The following NPFFR2 variants were observed in gnomAD, a reference collection of about 807,000 sequenced individuals.
NPFFR2 encodes G-protein coupled receptor 74.
A neutral mutation model predicts 13.1 loss-of-function variants in NPFFR2; 15 were observed. The ratio of observed to expected loss-of-function variants is 1.15; its 90% CI spans 0.77 to 1.76. The LOEUF (loss-of-function observed/expected upper bound fraction) is 1.76. Ranked by LOEUF, NPFFR2 falls within the 40% of genes most tolerant of loss-of-function variation. The probability of loss-of-function intolerance (pLI) is 0.00; values close to 1 mark genes in which losing one functional copy is unlikely to be tolerated. For missense variants in NPFFR2, 572 were observed against 503.5 expected, an observed-to-expected ratio of 1.14 and a Z score of -1.30; for synonymous variants, 190 against 175.7, an observed-to-expected ratio of 1.08 and a Z score of -0.65.
intron 1 of NPFFR2, among the ~76,000 whole-genome samples, chr4:72,043,138 A>G (rs1719276890): frequency 6.6e-6 from 1 of 152,216 alleles, no homozygotes; most frequent in Non-Finnish European, 1.5e-5. Flanking sequence ...GGTAGCTGCC[A>G]TGTAGTGTTG....
Position 72,032,190 on chromosome 4 carries a change from C to G in NPFFR2, c.-18C>G. The G allele has an allele frequency of 6.2e-7, 1 of 1,608,508 alleles. No individual in the cohort carries two copies. The highest frequency in any genetic ancestry group is 8.5e-7 in the Non-Finnish European group (1 of 1,176,902). On this transcript the variant is annotated 5_prime_UTR_variant, in exon 1 of 4. Coordinates refer to ENST00000308744, the MANE Select transcript of NPFFR2 (RefSeq NM_004885.3). Reference sequence around the variant, plus strand: ...TCTGGTTCCTGCCGCCGACAGGGCTCGCCGGGAGAGGTAACAGCATGGGCC... The same window carrying G: ...TCTGGTTCCTGCCGCCGACAGGGCTGGCCGGGAGAGGTAACAGCATGGGCC...
chr4:72,104,966 A>G (rs1296088162), intron 1 of NPFFR2, among the ~76,000 whole-genome samples: 1 of 131,096 alleles, frequency 7.6e-6, no homozygotes, highest in East Asian at 2.2e-4. Context: ...ATTGTAAACA[A>G]CAGTATGACA....
intron 1 of NPFFR2, among the ~76,000 whole-genome samples, chr4:72,069,625 C>T (rs1051029166): frequency 2.0e-5 from 3 of 151,818 alleles, no homozygotes; most frequent in Non-Finnish European, 2.9e-5. Context: ...ATAAACAACA[C>T]TGACAAAAGA....
intron 1 of NPFFR2, among the ~76,000 whole-genome samples, chr4:72,112,299 C>T (rs1257858814): frequency 1.3e-5 from 2 of 151,990 alleles, no homozygotes; most frequent in Non-Finnish European, 2.9e-5. Context: ...TACTGTTGTT[C>T]TAACTTCTTA....
At chr4:72,040,692 G>A (rs1230038947) in intron 1 of NPFFR2, among the ~76,000 whole-genome samples, 3 of 151,798 alleles carry the variant, frequency 2.0e-5, no homozygotes, top group East Asian at 3.9e-4. Context: ...TTTACCAAAC[G>A]AACTGTTTGT....
chr4:72,056,377 A>G (rs932171087), intron 1 of NPFFR2, among the ~76,000 whole-genome samples: 1 of 152,000 alleles, frequency 6.6e-6, no homozygotes, highest in Non-Finnish European at 1.5e-5. Context: ...CTTTCAGCCC[A>G]CTATGGAGAC....
At position 72,119,492 on chromosome 4, in the gene NPFFR2, T is replaced by C. The variant is rs190041690; in HGVS notation, c.-7-9093T>C. ...AAAAATCTAAATGTAGCTGGCAAGA[T>C]GGCCTAATAGAAACAGCTCTGGTCT... On this transcript the variant is annotated intron_variant, in intron 1 of 3. Coordinates refer to ENST00000308744, the MANE Select transcript of NPFFR2 (RefSeq NM_004885.3). Among the ~76,000 whole-genome samples, 184 of 152,256 alleles carry C rather than the reference T, an allele frequency of 1.2e-3. 1 individual carries two copies. Among genetic ancestry groups the C allele is most frequent in the African/African-American group, 4.1e-3 (171 of 41,540 alleles).
chr4:72,147,227 C>T lies in NPFFR2; in HGVS notation c.678C>T (p.Asn226=). 3.1e-6 allele frequency: 5 copies of T among 1,614,170 alleles called. No homozygotes were observed. The highest frequency in any genetic ancestry group is 4.5e-5 in the East Asian group (2 of 44,880). The stretch of plus-strand genomic sequence containing the variant: ...TCTACACCACTGTGCTGTTTGCCAA[C>T]ATCTACCTGGCTCCCCTCTCCCTCA... ...RKIYTTVLFA[N]IYLAPLSLIV... Residue 226 remains asparagine, a synonymous_variant, in exon 4 of 4, where the codon AAC becomes AAT. Coordinates refer to ENST00000308744, the MANE Select transcript of NPFFR2 (RefSeq NM_004885.3).
chr4:72,048,032 G>C (rs942764544), intron 1 of NPFFR2, among the ~76,000 whole-genome samples: 2 of 151,944 alleles, frequency 1.3e-5, no homozygotes, highest in African/African-American at 4.8e-5. Context: ...ATATATTACA[G>C]TTCATATCAT....
At chr4:72,043,183 T>C (rs1287269516) in intron 1 of NPFFR2, among the ~76,000 whole-genome samples, 1 of 152,102 alleles carries the variant, frequency 6.6e-6, no homozygotes, top group Admixed American at 6.5e-5. Context: ...GAATTGAGGA[T>C]TGGGAACCTC....
intron 1 of NPFFR2, among the ~76,000 whole-genome samples, chr4:72,099,398 A>T (rs1216502162): frequency 1.3e-5 from 2 of 152,168 alleles, no homozygotes; most frequent in Non-Finnish European, 2.9e-5. Context: ...GCTATAAAGG[A>T]ATACTTGACA....
Position 72,147,139 on chromosome 4 carries a change from A to G in NPFFR2, c.590A>G (p.Gln197Arg). 1 of 1,614,182 alleles carries G rather than the reference A, an allele frequency of 6.2e-7. No homozygotes were observed. The highest frequency in any genetic ancestry group is 8.5e-7 in the Non-Finnish European group (1 of 1,180,030). ...EKYYRVRLNS[Q>R]NKTSPVYWCR... ...TATTACCGAGTGAGACTCAACTCCC[A>G]GAATAAAACCAGTCCAGTCTACTGG... Residue 197 changes from glutamine to arginine, a missense_variant, in exon 4 of 4, where the codon CAG (glutamine) becomes CGG (arginine). Physicochemically the swap from Gln to Arg is conservative, Grantham distance 43. Coordinates refer to ENST00000308744, the MANE Select transcript of NPFFR2 (RefSeq NM_004885.3).
At chr4:72,086,363 C>T (rs1462289234) in intron 1 of NPFFR2, among the ~76,000 whole-genome samples, 2 of 152,034 alleles carry the variant, frequency 1.3e-5, no homozygotes, top group African/African-American at 2.4e-5. Context: ...TGGACCAGAA[C>T]ATGGATATCA....
At chr4:72,132,078 G>T (rs1488959327) in intron 2 of NPFFR2, among the ~76,000 whole-genome samples, 2 of 151,024 alleles carry the variant, frequency 1.3e-5, no homozygotes, top group Non-Finnish European at 2.9e-5. Context: ...TGTCATGGGG[G>T]TTTGTTGTAC....
chr4:72,138,427 G>T (rs774639633), intron 3 of NPFFR2, among the ~76,000 whole-genome samples: 10 of 130,272 alleles, frequency 7.7e-5, no homozygotes, highest in Admixed American at 3.3e-4. Context: ...CCCACCCAAT[G>T]CAGGCCCCAG....
intron 1 of NPFFR2, among the ~76,000 whole-genome samples, chr4:72,093,784 C>T (rs1243045353): frequency 6.8e-6 from 1 of 147,286 alleles, no homozygotes; most frequent in African/African-American, 2.5e-5. Flanking sequence ...TTCTTTGGTG[C>T]CTCTTGGATT....
chr4:72,128,561 CTT>C lies in NPFFR2; in HGVS notation c.-7-21_-7-20del, dbSNP rs550550481. ...TTTACTGGTTCCTAATTATGTTTTTCTTTTCTGTCTCTTCTTTATTAAGGTTC... is the reference window on the plus strand; with the variant it reads ...TTTACTGGTTCCTAATTATGTTTTTCTTCTGTCTCTTCTTTATTAAGGTTC... On this transcript the variant is annotated intron_variant, in intron 1 of 3. Transcript: ENST00000308744. 8.2e-4 allele frequency: 1,199 copies of C among 1,455,290 alleles called. 13 individuals carry two copies. In the South Asian group the frequency reaches 9.8e-3, roughly 12 times the overall value. The allele number at this position is 1,455,290 out of a possible 1,614,324, so 90.1% of individuals were successfully genotyped here.
At chr4:72,092,415 G>C (rs1029991683) in intron 1 of NPFFR2, among the ~76,000 whole-genome samples, 1 of 152,044 alleles carries the variant, frequency 6.6e-6, no homozygotes, top group African/African-American at 2.4e-5. Flanking sequence ...TTGATGACCT[G>C]TCTAGTCCTG....
At chr4:72,104,336 G>C (rs1162372415) in intron 1 of NPFFR2, among the ~76,000 whole-genome samples, 1 of 151,978 alleles carries the variant, frequency 6.6e-6, no homozygotes. Flanking sequence ...ATGGGACTTT[G>C]CCTCATAATA....
Sources: allele counts gnomAD v4.1 joint callset (sites outside exome capture counted in the v4.1 genomes callset), GRCh38; gene constraint gnomAD v4.1.1; transcripts MANE v1.5; gene names NCBI Gene and HGNC (gene_info 2026-07-23, HGNC 2026-07-21).